The following MYBPC3 variants were observed in gnomAD, a reference collection of about 807,000 sequenced individuals.
MYBPC3 encodes myosin-binding protein C, cardiac-type.
MYBPC3 carries 108 observed loss-of-function variants against 159.3 expected under a neutral mutation model. The observed-to-expected ratio is 0.68, with a 90% CI of 0.58 to 0.80. The LOEUF (loss-of-function observed/expected upper bound fraction) is 0.80, where lower values mean the gene tolerates loss of function less well. MYBPC3 is among the 30% of genes least tolerant of loss of function. The pLI, the probability that MYBPC3 is intolerant of heterozygous loss-of-function variation, is 0.00. For synonymous variants in MYBPC3, 730 were observed against 702.0 expected (o/e 1.04, Z -0.63); for missense variants, 1,631 against 1,762.1 (o/e 0.93, Z 1.33).
intron 6 of MYBPC3, 41 bp downstream of exon 6, chr11:47,348,383 T>G: frequency 6.9e-7 from 1 of 1,456,590 alleles, no homozygotes; most frequent in Non-Finnish European, 9.5e-7. Flanking sequence ...CCAGGACCCA[T>G]GGGGAGCCCG....
intron 17 of MYBPC3, among the ~76,000 whole-genome samples, 192 bp downstream of exon 17, chr11:47,342,386 C>G (rs1017369349): frequency 6.6e-6 from 1 of 151,728 alleles, no homozygotes; most frequent in African/African-American, 2.4e-5. Context: ...GTATGACCCT[C>G]TCAGTACCCT....
rs727503203 is a variant in MYBPC3, at chr11:47,342,928, AGG to A, written c.1357_1358del (p.Pro453CysfsTer21). ...CCTCCAAGGGGCGCGTGATGAGCAC[AGG>A]GGGCTCTGTCCAGGCAGGGTGAGCA... The part of the protein sequence containing the change: ...CSTELFVKEP[P>X]VLITRPLEDQ... On this transcript the variant is annotated frameshift_variant, in exon 16 of 35. Transcript: ENST00000545968. LOFTEE classifies it high-confidence loss of function. The A allele has an allele frequency of 2.5e-6, 4 of 1,611,614 alleles. No homozygotes were observed. The South Asian group carries it at 4.4e-5, about 18-fold the overall frequency.
In MYBPC3 at chr11:47,332,258, G is replaced by T. The variant is rs1293774054; in HGVS notation, c.3628C>A (p.Pro1210Thr). Residue 1210 changes from proline (P) to threonine (T), a missense_variant and splice_region_variant, in exon 33 of 35, where the codon CCC becomes ACC. Transcript: ENST00000545968. This position sits in a 1 kb window ranked among gnomAD's most constrained non-coding sequence, Gnocchi z 4.2. Reference sequence around the variant, plus strand: ...CCATTCTTGAACCAGGAAATCTTGGGCTATAAATAAGGTAAAGAGAGGGAG... The same window carrying T: ...CCATTCTTGAACCAGGAAATCTTGGTCTATAAATAAGGTAAAGAGAGGGAG... ...LCCAVRGSPKPKISWFKNGLD... is the reference protein window; with the variant it reads ...LCCAVRGSPKTKISWFKNGLD... The T allele has an allele frequency of 1.2e-6, 2 of 1,613,626 alleles. No individual in the cohort carries two copies. The highest frequency in any genetic ancestry group is 1.7e-6 in the Non-Finnish European group (2 of 1,179,882).
Position 47,332,123 on chromosome 11 carries a change from C to T in MYBPC3, c.3763G>A (p.Ala1255Thr), listed in dbSNP as rs727503167. The change falls in exon 33 of 35, where the codon GCC (alanine) becomes ACC (threonine). Residue 1255 changes from alanine (A) to threonine (T), a missense_variant. Physicochemically the swap from Ala to Thr is moderately conservative, Grantham distance 58. Coordinates refer to ENST00000545968, the MANE Select transcript of MYBPC3 (RefSeq NM_000256.3). This position sits in a 1 kb window ranked among gnomAD's most constrained non-coding sequence, Gnocchi z 4.2. ...PFDGGIYVCR[A>T]TNLQGEARCE... is the part of the protein sequence containing the mutation. ...CGTGCCTCGCCCTGTAAGTTGGTGGCCCTGCAGACATAGATGCCCCCGTCA... is the reference window on the plus strand; with the variant it reads ...CGTGCCTCGCCCTGTAAGTTGGTGGTCCTGCAGACATAGATGCCCCCGTCA... 53 of 1,613,512 alleles carry T rather than the reference C, an allele frequency of 3.3e-5. No individual in the cohort carries two copies. Among genetic ancestry groups the T allele is most frequent in the Admixed American group, 2.2e-4 (13 of 60,012 alleles).
chr11:47,348,316 C>T (rs1219821195), intron 6 of MYBPC3, 108 bp downstream of exon 6: 5 of 839,294 alleles, frequency 6.0e-6, no homozygotes, highest in African/African-American at 1.7e-5. Context: ...GTGGCCAGCA[C>T]TCATGTCTGG....
Position 47,347,473 on chromosome 11 carries a change from G to A in MYBPC3, c.858C>T (p.Ser286=), listed in dbSNP as rs1427676922. The A allele has an allele frequency of 6.3e-7, 1 of 1,596,664 alleles. No individual in the cohort carries two copies. Among genetic ancestry groups the A allele is most frequent in the African/African-American group, 1.3e-5 (1 of 74,722 alleles). ...LAGGGRRISD[S]HEDTGILDFS... ...AGTCCAGAATCCCAGTGTCCTCATG[G>A]CTATCACTATGGAGAGGGACCCCCA... The change falls in exon 9 of 35, where the codon AGC becomes AGT. Residue 286 remains serine, a synonymous_variant. Coordinates refer to ENST00000545968, the MANE Select transcript of MYBPC3 (RefSeq NM_000256.3).
At position 47,350,027 on chromosome 11, in the gene MYBPC3, G is replaced by A. The variant is rs3218719; in HGVS notation, c.492C>T (p.Gly164=). 45,646 of 1,561,180 alleles carry A rather than the reference G, an allele frequency of 0.029. 778 individuals are homozygous for A. Among genetic ancestry groups the A allele is most frequent in the Non-Finnish European group, 0.035 (39,772 of 1,152,686 alleles). The change falls in exon 4 of 35, where the codon GGC becomes GGT. Residue 164 remains glycine (G), a synonymous_variant. Coordinates refer to ENST00000545968, the MANE Select transcript of MYBPC3 (RefSeq NM_000256.3). ...GCTCACACTCACCCACGGTCACCTC[G>A]CCATCCTGTGGCCGCATCACGAAGA... is the stretch of plus-strand genomic sequence containing the variant. ...IGLFVMRPQD[G]EVTVGGSITF...
In MYBPC3 at chr11:47,341,124, T is replaced by G. The variant is rs779007895; in HGVS notation, c.1897+14A>C. The G allele has an allele frequency of 2.3e-5, 29 of 1,245,542 alleles. No homozygotes were observed. Among genetic ancestry groups the G allele is most frequent in the Admixed American group, 3.9e-5 (2 of 50,904 alleles). The allele number at this position is 1,245,542 out of a possible 1,614,324, so 77.2% of individuals were successfully genotyped here. On this transcript the variant is annotated intron_variant, in intron 19 of 34. Transcript: ENST00000545968. ...CCCACTGCCCCGACCCACCCTACCCTGGAGCAGGCTCACCCATGAAGTGGA... is the reference window on the plus strand; with the variant it reads ...CCCACTGCCCCGACCCACCCTACCCGGGAGCAGGCTCACCCATGAAGTGGA...
At chr11:47,349,163 T>C (rs1052516192) in intron 5 of MYBPC3, among the ~76,000 whole-genome samples, 2 of 150,848 alleles carry the variant, frequency 1.3e-5, no homozygotes, top group Admixed American at 6.6e-5. Flanking sequence ...CTGGGGAAGG[T>C]TGGGAAAAGC....
chr11:47,336,972 G>T (rs2095882909), intron 25 of MYBPC3, among the ~76,000 whole-genome samples: 1 of 152,170 alleles, frequency 6.6e-6, no homozygotes, highest in African/African-American at 2.4e-5. Context: ...CCATCCCATA[G>T]GTGAAAACCC....
rs559521524 is a variant in MYBPC3 at position 47,351,128 on chromosome 11, C to A, written c.292+111G>T. 8.9e-5 allele frequency: 121 copies of A among 1,353,076 alleles called. No homozygotes were observed. Among genetic ancestry groups the A allele is most frequent in the Non-Finnish European group, 1.2e-4 (119 of 1,028,670 alleles). The allele number at this position is 1,353,076 out of a possible 1,614,324, so 83.8% of individuals were successfully genotyped here. On this transcript the variant is annotated intron_variant, in intron 2 of 34. Coordinates refer to ENST00000545968, the MANE Select transcript of MYBPC3 (RefSeq NM_000256.3). The surrounding 1 kb of genome is among the most constrained non-coding windows in gnomAD (Gnocchi z 4.2). ...TTCCTGGCGGGGGGCACAGCCACAG[C>A]AAAGGCAAGAAAGTGTGAAAGCACC...
At position 47,332,942 on chromosome 11, in the gene MYBPC3, C is replaced by T. The variant is rs397516018; in HGVS notation, c.3362G>A (p.Arg1121His). ...EWFTVLEHYR[R>H]THCVVPELII... ...GAGCTCTGGCACCACGCAGTGGGTG[C>T]GGCGGTAATGCTCCAAGACGGTGAA... The change falls in exon 31 of 35, where the codon CGC becomes CAC. Residue 1121 changes from arginine to histidine, a missense_variant. Arg to His is a conservative substitution (Grantham distance 29). Transcript: ENST00000545968. The surrounding 1 kb of genome is among the most constrained non-coding windows in gnomAD (Gnocchi z 4.2). 3.9e-5 allele frequency: 63 copies of T among 1,610,204 alleles called. 1 individual carries two copies. The Middle Eastern group carries it at 5.0e-4, about 13-fold the overall frequency.
At position 47,341,193 on chromosome 11, in the gene MYBPC3, G is replaced by A. The variant is rs774488435; in HGVS notation, c.1842C>T (p.Tyr614=). ...DDVTPADEAD[Y]SFVPEGFACN... is the part of the protein sequence containing the mutation. ...AGGCGAAGCCCTCGGGCACAAAGCT[G>A]TAGTCAGCCTCGTCGGCAGGTGTGA... Residue 614 remains tyrosine, a synonymous_variant, in exon 19 of 35, where the codon TAC becomes TAT. Transcript: ENST00000545968. 2.9e-5 allele frequency: 47 copies of A among 1,594,190 alleles called. No homozygotes were observed. Among genetic ancestry groups the A allele is most frequent in the Non-Finnish European group, 3.9e-5 (46 of 1,170,786 alleles).
In MYBPC3 at chr11:47,332,486, C is replaced by G; in HGVS notation, c.3627+80G>C. 6.5e-7 allele frequency: 1 copy of G among 1,544,534 alleles called. No individual in the cohort carries two copies. Among genetic ancestry groups the G allele is most frequent in the Non-Finnish European group, 8.7e-7 (1 of 1,144,032 alleles). On this transcript the variant is annotated intron_variant, in intron 32 of 34. Transcript: ENST00000545968. The surrounding 1 kb of genome is among the most constrained non-coding windows in gnomAD (Gnocchi z 4.2). ...GTGGAGAGAAAGCAGGGGAGACAGG[C>G]TGGGGAGAGGACTGCTCAACGTCGG...
intron 5 of MYBPC3, 100 bp downstream of exon 5, chr11:47,349,674 T>G: frequency 6.9e-7 from 1 of 1,444,588 alleles, no homozygotes; most frequent in Non-Finnish European, 9.2e-7. Flanking sequence ...TTGCAGCTCG[T>G]GTGTGCCTCT....
intron 7 of MYBPC3, 35 bp downstream of exon 7, chr11:47,347,822 C>T (rs747401726): frequency 3.9e-6 from 6 of 1,555,162 alleles, no homozygotes; most frequent in Non-Finnish European, 8.7e-7. Flanking sequence ...GACTCCAGCA[C>T]TGGCCTCCCC....
rs1265723882 is a variant in MYBPC3 at position 47,351,434 on chromosome 11, T to C, written c.97A>G (p.Thr33Ala). Reference sequence around the variant, plus strand: ...CGCACCTTCACTCCTGCCCGCTCTGTCTCGGCCTCGAACACGGCAGGGCTG... The same window carrying C: ...CGCACCTTCACTCCTGCCCGCTCTGCCTCGGCCTCGAACACGGCAGGGCTG... ...AGSPAVFEAETERAGVKVRWQ... is the reference protein window; with the variant it reads ...AGSPAVFEAEAERAGVKVRWQ... Residue 33 changes from threonine to alanine, a missense_variant, in exon 2 of 35, where the codon ACA becomes GCA. Thr to Ala is a moderately conservative substitution (Grantham distance 58, BLOSUM62 0). Coordinates refer to ENST00000545968, the MANE Select transcript of MYBPC3 (RefSeq NM_000256.3). This position sits in a 1 kb window ranked among gnomAD's most constrained non-coding sequence, Gnocchi z 4.2. 2 of 1,609,660 alleles carry C rather than the reference T, an allele frequency of 1.2e-6. No homozygotes were observed. The highest frequency in any genetic ancestry group is 2.7e-5 in the African/African-American group (2 of 75,006).
intron 26 of MYBPC3, 191 bp downstream of exon 26, chr11:47,335,686 C>T: frequency 2.0e-6 from 1 of 496,242 alleles, no homozygotes; most frequent in Non-Finnish European, 3.5e-6. Flanking sequence ...GTGTTACAGT[C>T]AGCTTTACTC....
intron 4 of MYBPC3, 40 bp downstream of exon 4, chr11:47,349,974 C>A (rs777895104): frequency 7.0e-6 from 11 of 1,562,796 alleles, no homozygotes; most frequent in South Asian, 1.2e-5. Flanking sequence ...TGCTGCCCCC[C>A]CTTCCCACCC....
Sources: gnomAD v4.1 joint callset for allele counts (sites outside exome capture counted in the v4.1 genomes callset) on GRCh38, gnomAD v4.1.1 for gene constraint, Gnocchi (gnomAD v3.1) non-coding constraint, MANE v1.5 for transcripts, NCBI Gene and HGNC (gene_info 2026-07-23, HGNC 2026-07-21) for gene names.